Variants in FABP12 observed in about 807,000 individuals in gnomAD.
FABP12 encodes fatty acid binding protein 12.
A neutral mutation model predicts 13.7 loss-of-function variants in FABP12; 19 were observed. That is an observed-to-expected ratio of 1.39 (90% CI 0.97 to 2.04). The LOEUF (loss-of-function observed/expected upper bound fraction) is 2.04. Ranked by LOEUF, FABP12 falls within the 30% of genes most tolerant of loss-of-function variation. The pLI is 0.00. For missense variants in FABP12, 182 were observed against 164.2 expected, an observed-to-expected ratio of 1.11 and a Z score of -0.59; for synonymous variants, 61 against 57.0, an observed-to-expected ratio of 1.07 and a Z score of -0.32.
intron 1 of FABP12, among the ~76,000 whole-genome samples, chr8:81,584,215 A>G (rs1810209276): frequency 6.6e-6 from 1 of 152,224 alleles, no homozygotes; most frequent in Non-Finnish European, 1.5e-5. Context: ...GGACCAAGTC[A>G]ATGAATAAAC....
intron 1 of FABP12, among the ~76,000 whole-genome samples, chr8:81,561,793 C>T (rs75040041): frequency 1.0e-3 from 154 of 152,228 alleles, no homozygotes; most frequent in African/African-American, 3.6e-3. Context: ...GTGTTTGGAA[C>T]CTGAGTTCCA....
chr8:81,542,236 A>T (rs901384748), intron 1 of FABP12, among the ~76,000 whole-genome samples: 1 of 152,170 alleles, frequency 6.6e-6, no homozygotes, highest in East Asian at 1.9e-4. Context: ...TGAAAGTTAA[A>T]CATCAGGAGA....
intron 1 of FABP12, among the ~76,000 whole-genome samples, chr8:81,567,099 G>A (rs921817528): frequency 1.3e-5 from 2 of 152,034 alleles, no homozygotes; most frequent in Admixed American, 1.3e-4. Flanking sequence ...TTTAACCAAA[G>A]AAGTAAAAGA....
At chr8:81,544,774 T>C (rs1174019997) in intron 1 of FABP12, among the ~76,000 whole-genome samples, 1 of 151,876 alleles carries the variant, frequency 6.6e-6, no homozygotes, top group African/African-American at 2.4e-5. Context: ...TGAGGTCTGG[T>C]GGGAGAGAGA....
At chr8:81,527,519 C>A (rs531838926) in intron 3 of FABP12, among the ~76,000 whole-genome samples, 1 of 152,038 alleles carries the variant, frequency 6.6e-6, no homozygotes, top group Non-Finnish European at 1.5e-5. Flanking sequence ...CATACCACCA[C>A]GCCCAGCTAA....
At chr8:81,573,859 GT>G (rs1809979138) in intron 1 of FABP12, among the ~76,000 whole-genome samples, 1 of 152,114 alleles carries the variant, frequency 6.6e-6, no homozygotes. Context: ...TTCTGGAGGA[GT>G]CTTTGTGGTT....
At chr8:81,526,924 G>T in intron 4 of FABP12, 96 bp downstream of exon 4, 5 of 688,460 alleles carry the variant, frequency 7.3e-6, no homozygotes, top group Non-Finnish European at 9.8e-6. Context: ...ATGAGAACAA[G>T]GAAAATGGCA....
intron 2 of FABP12, among the ~76,000 whole-genome samples, chr8:81,530,805 G>C (rs1256099234): frequency 6.6e-6 from 1 of 152,144 alleles, no homozygotes; most frequent in African/African-American, 2.4e-5. Flanking sequence ...CTATACTACA[G>C]AAGAAGAGAG....
chr8:81,548,879 G>A (rs1252636640), intron 1 of FABP12, among the ~76,000 whole-genome samples: 1 of 152,104 alleles, frequency 6.6e-6, no homozygotes, highest in Non-Finnish European at 1.5e-5. Flanking sequence ...AATGTAGCTG[G>A]GCCACAGTGC....
intron 1 of FABP12, among the ~76,000 whole-genome samples, chr8:81,545,735 C>A (rs2129999487): frequency 6.6e-6 from 1 of 152,220 alleles, no homozygotes; most frequent in Admixed American, 6.5e-5. Context: ...TTACAAGATT[C>A]CAAATAGTGT....
chr8:81,589,262 T>C (rs1241522615), intron 1 of FABP12, among the ~76,000 whole-genome samples: 1 of 152,122 alleles, frequency 6.6e-6, no homozygotes, highest in Admixed American at 6.5e-5. Flanking sequence ...ATGAATCCTT[T>C]AAAACAAAAC....
intron 1 of FABP12, among the ~76,000 whole-genome samples, chr8:81,566,475 A>C (rs1308329679): frequency 6.6e-6 from 1 of 152,156 alleles, no homozygotes; most frequent in Non-Finnish European, 1.5e-5. Context: ...CATCATAACC[A>C]AGTGAGATTT....
At chr8:81,530,251 C>G (rs1210157702) in intron 2 of FABP12, among the ~76,000 whole-genome samples, 1 of 152,092 alleles carries the variant, frequency 6.6e-6, no homozygotes, top group African/African-American at 2.4e-5. Context: ...CTTATCTTGT[C>G]TTGGAAGTTT....
chr8:81,548,425 A>G (rs1192575330), intron 1 of FABP12, among the ~76,000 whole-genome samples: 1 of 152,240 alleles, frequency 6.6e-6, no homozygotes, highest in Non-Finnish European at 1.5e-5. Context: ...AGATGTATTC[A>G]AAGTGTTGGA....
intron 1 of FABP12, among the ~76,000 whole-genome samples, chr8:81,563,395 C>T (rs1809758459): frequency 6.6e-6 from 1 of 152,172 alleles, no homozygotes; most frequent in African/African-American, 2.4e-5. Context: ...CAAACCTCCA[C>T]AAACATCAAG....
intron 1 of FABP12, among the ~76,000 whole-genome samples, chr8:81,545,156 G>T (rs1355374356): frequency 6.6e-6 from 1 of 152,188 alleles, no homozygotes; most frequent in East Asian, 1.9e-4. Context: ...AAATAGCTGA[G>T]ATTACAGGCA....
Position 81,569,009 on chromosome 8 carries a change from A to G in FABP12, c.-185+21044T>C, listed in dbSNP as rs546418541. 1.1e-4 allele frequency among the ~76,000 whole-genome samples: 16 copies of G among 152,318 alleles called. No homozygotes were observed. In the South Asian group the frequency reaches 3.3e-3, roughly 32 times the overall value. On this transcript the variant is annotated intron_variant, in intron 1 of 5. Transcript: ENST00000692030. ...GGGGAGTAGAGATGGTTATGGGTAC[A>G]AAAATATAATTAGATAGAATGAATA... is the stretch of plus-strand genomic sequence containing the variant.
intron 1 of FABP12, among the ~76,000 whole-genome samples, chr8:81,547,920 A>G (rs545656953): frequency 6.6e-6 from 1 of 152,342 alleles, no homozygotes; most frequent in South Asian, 2.1e-4. Context: ...GGCTTAGAGA[A>G]GTGAAAGGAC....
At chr8:81,534,100 CAT>C (rs1329542310), upstream of FABP12, among the ~76,000 whole-genome samples, 12 of 152,068 alleles carry the variant, frequency 7.9e-5, no homozygotes, top group African/African-American at 2.7e-4. Flanking sequence ...CACACACATA[CAT>C]ACACACACTC....
Sources: gnomAD v4.1 joint callset for allele counts (sites outside exome capture counted in the v4.1 genomes callset) on GRCh38, gnomAD v4.1.1 for gene constraint, MANE v1.5 for transcripts, NCBI Gene and HGNC (gene_info 2026-07-23, HGNC 2026-07-21) for gene names.